RASA2: variants seen among roughly 807,000 people sequenced by gnomAD.
RASA2 encodes RAS p21 protein activator 2, also known as ras GTPase-activating protein 2.
A neutral mutation model predicts 118.2 loss-of-function variants in RASA2; 155 were observed. The observed-to-expected ratio is 1.31, with a 90% CI of 1.15 to 1.50. RASA2 has a LOEUF of 1.50. RASA2 is among the 40% of genes most tolerant of loss of function. The pLI is 0.00. For synonymous variants in RASA2, 353 were observed against 349.1 expected (o/e 1.01, Z -0.12); for missense variants, 1,016 against 1,009.6 (o/e 1.01, Z -0.09).
chr3:141,564,533 G>T (rs923959275), intron 9 of RASA2, among the ~76,000 whole-genome samples: 1 of 152,130 alleles, frequency 6.6e-6, no homozygotes, highest in Admixed American at 6.5e-5. Context: ...CACAATTGAG[G>T]GGGTAGGGGA....
chr3:141,568,290 T>C (rs1170974427), intron 9 of RASA2, among the ~76,000 whole-genome samples: 3 of 151,626 alleles, frequency 2.0e-5, no homozygotes, highest in Non-Finnish European at 2.9e-5. Context: ...TACAGGAGAG[T>C]AGAATATGAT....
chr3:141,547,275 G>A (rs1209999369), intron 5 of RASA2, among the ~76,000 whole-genome samples: 1 of 151,980 alleles, frequency 6.6e-6, no homozygotes, highest in Non-Finnish European at 1.5e-5. Flanking sequence ...CATTGAATCT[G>A]TAGATTGCTT....
At chr3:141,609,374 A>T (rs756102430) in intron 21 of RASA2, 46 bp from the exon 22 acceptor site, 23 of 1,243,416 alleles carry the variant, frequency 1.8e-5, no homozygotes, top group Admixed American at 2.4e-5. Context: ...GCATGTTAAC[A>T]AAATAAAATT....
intron 7 of RASA2, among the ~76,000 whole-genome samples, chr3:141,557,248 C>G (rs896880864): frequency 2.6e-4 from 39 of 152,196 alleles, no homozygotes; most frequent in African/African-American, 9.4e-4. Context: ...ACATTTCCAT[C>G]TCTGTCCTTT....
intron 4 of RASA2, among the ~76,000 whole-genome samples, chr3:141,537,135 C>T (rs1380628709): frequency 6.6e-6 from 1 of 152,134 alleles, no homozygotes; most frequent in African/African-American, 2.4e-5. Context: ...GGCTTGTCTT[C>T]TATCAGTTTT....
intron 19 of RASA2, among the ~76,000 whole-genome samples, chr3:141,600,945 A>C (rs749353038): frequency 3.2e-4 from 48 of 152,234 alleles, no homozygotes; most frequent in Non-Finnish European, 6.3e-4. Context: ...TTAGGATAAG[A>C]GAGAAAGAGA....
At chr3:141,514,450 G>C (rs2081994651) in intron 2 of RASA2, among the ~76,000 whole-genome samples, 1 of 152,062 alleles carries the variant, frequency 6.6e-6, no homozygotes, top group Admixed American at 6.5e-5. Context: ...GAACTTTCTG[G>C]GGAGATAAAA....
At chr3:141,599,515 A>C (rs557349077) in intron 19 of RASA2, among the ~76,000 whole-genome samples, 1 of 152,328 alleles carries the variant, frequency 6.6e-6, no homozygotes, top group African/African-American at 2.4e-5. Context: ...ATGCACTTTA[A>C]TTTGCCAAAA....
At chr3:141,571,360 A>G (rs367737997) in intron 10 of RASA2, 46 bp from the exon 11 acceptor site, 1 of 1,583,098 alleles carries the variant, frequency 6.3e-7, no homozygotes, top group Non-Finnish European at 8.6e-7. Context: ...ACAGTTAATC[A>G]TGTTTCCTTG....
intron 4 of RASA2, among the ~76,000 whole-genome samples, chr3:141,538,585 A>G (rs868215932): frequency 6.6e-6 from 1 of 152,196 alleles, no homozygotes; most frequent in Non-Finnish European, 1.5e-5. Flanking sequence ...TTGTTAAAGT[A>G]TATAATGAGT....
chr3:141,498,017 C>G (rs1486043221), intron 1 of RASA2, among the ~76,000 whole-genome samples: 1 of 151,998 alleles, frequency 6.6e-6, no homozygotes, highest in African/African-American at 2.4e-5. Context: ...ATTTTGGATC[C>G]TTTAAAATAT....
chr3:141,600,312 G>C, intron 19 of RASA2: 1 of 538,376 alleles, frequency 1.9e-6, no homozygotes, highest in South Asian at 1.4e-5. Flanking sequence ...CTCCTGCACT[G>C]TCTGATGTCC....
chr3:141,490,474 A>G (rs1038091695), intron 1 of RASA2, among the ~76,000 whole-genome samples: 14 of 152,092 alleles, frequency 9.2e-5, no homozygotes, highest in Non-Finnish European at 1.3e-4. Context: ...CTCTTATCCA[A>G]TTACATTAGA....
At position 141,573,012 on chromosome 3, in the gene RASA2, T is replaced by C; in HGVS notation, c.1285-135T>C. ...TGTTTTAAGAAAATTGTATATGTTA[T>C]CCCTGCATAGGACATTTTACGCTTT... is the stretch of plus-strand genomic sequence containing the variant. On this transcript the variant is annotated intron_variant, in intron 12 of 23. Coordinates refer to ENST00000286364, the MANE Select transcript of RASA2 (RefSeq NM_006506.5). The C allele has an allele frequency of 1.1e-5, 8 of 745,384 alleles. No homozygotes were observed. The South Asian group carries it at 1.7e-4, about 16-fold the overall frequency. 46.2% of individuals were successfully genotyped at this position (745,384 alleles called of 1,614,324 possible).
At chr3:141,541,966 G>T (rs566912733) in intron 5 of RASA2, among the ~76,000 whole-genome samples, 42 of 151,888 alleles carry the variant, frequency 2.8e-4, no homozygotes, top group African/African-American at 9.4e-4. Context: ...TCCCTCCCCT[G>T]CTTCAGTTTA....
At position 141,572,622 on chromosome 3, in the gene RASA2, A is replaced by G. The variant is rs2082942298; in HGVS notation, c.1183A>G (p.Ile395Val). The change falls in exon 12 of 24, where the codon ATT becomes GTT. Residue 395 changes from isoleucine to valine, a missense_variant. Ile to Val is a conservative substitution (Grantham distance 29). This residue lies in a region of RASA2 where 896 missense variants were observed against 836.4 expected (regional missense o/e 1.07). Transcript: ENST00000286364. ...DLKDTQDANTIFRGNSLATRC... is the reference protein window; with the variant it reads ...DLKDTQDANTVFRGNSLATRC... ...TTTCTATTTCAGAGATGCAAACACA[A>G]TTTTTAGAGGAAATTCCCTGGCTAC... 6 of 1,613,038 alleles carry G rather than the reference A, an allele frequency of 3.7e-6. No homozygotes were observed. The highest frequency in any genetic ancestry group is 4.5e-5 in the East Asian group (2 of 44,780).
At chr3:141,546,224 C>A (rs1451583816) in intron 5 of RASA2, among the ~76,000 whole-genome samples, 1 of 152,172 alleles carries the variant, frequency 6.6e-6, no homozygotes, top group African/African-American at 2.4e-5. Context: ...ATTGCTGGAT[C>A]ATGTGGTAGC....
Position 141,573,941 on chromosome 3 carries a change from C to T in RASA2, c.1360-3C>T. On this transcript the variant is annotated splice_region_variant and splice_polypyrimidine_tract_variant and intron_variant, in intron 13 of 23. Transcript: ENST00000286364. ...TTAATGTTTACCTTTTTAAATCCTGCAGGAGAATCTGCGCTACTATGTAGA... is the reference window on the plus strand; with the variant it reads ...TTAATGTTTACCTTTTTAAATCCTGTAGGAGAATCTGCGCTACTATGTAGA... 1 of 1,572,378 alleles carries T rather than the reference C, an allele frequency of 6.4e-7. No individual in the cohort carries two copies. Among genetic ancestry groups the T allele is most frequent in the South Asian group, 1.2e-5 (1 of 84,532 alleles).
chr3:141,493,902 C>G (rs1284108760), intron 1 of RASA2, among the ~76,000 whole-genome samples: 1 of 152,210 alleles, frequency 6.6e-6, no homozygotes, highest in Non-Finnish European at 1.5e-5. Flanking sequence ...CTTCCACCAA[C>G]ATACAAATTA....
Sources: gnomAD v4.1 joint callset for allele counts (sites outside exome capture counted in the v4.1 genomes callset) on GRCh38, gnomAD v4.1.1 for gene constraint, gnomAD v4.1.1 regional missense constraint, MANE v1.5 for transcripts, NCBI Gene and HGNC (gene_info 2026-07-23, HGNC 2026-07-21) for gene names.